CRACDL: variants seen among roughly 807,000 people sequenced by gnomAD.
CRACDL encodes the protein CRACD-like protein.
A neutral mutation model predicts 70.6 loss-of-function variants in CRACDL; 26 were observed. The ratio of observed to expected loss-of-function variants is 0.37; its 90% CI spans 0.27 to 0.51. The LOEUF is 0.51. Ranked by LOEUF, CRACDL falls within the 20% of genes least tolerant of loss-of-function variation. The pLI is 0.94. For missense variants in CRACDL, 1,283 were observed against 1,376.9 expected (o/e 0.93, Z 1.08); for synonymous variants, 618 against 615.2 (o/e 1.00, Z -0.07).
chr2:98,847,868 CACAA>C (rs779472099), intron 1 of CRACDL, among the ~76,000 whole-genome samples: 4 of 152,178 alleles, frequency 2.6e-5, no homozygotes, highest in African/African-American at 4.8e-5. Context: ...GCAAAGAAAA[CACAA>C]ACAGAGAAAA....
chr2:98,889,241 G>A (rs1273640369), intron 1 of CRACDL, among the ~76,000 whole-genome samples: 1 of 147,430 alleles, frequency 6.8e-6, no homozygotes, highest in East Asian at 2.0e-4. Context: ...GAAAGAAAAA[G>A]AAAGAGAGAA....
At chr2:98,806,026 A>G (rs191365226) in intron 7 of CRACDL, among the ~76,000 whole-genome samples, 11 of 152,360 alleles carry the variant, frequency 7.2e-5, no homozygotes, top group Admixed American at 6.5e-4. Flanking sequence ...CCCCGGTGAA[A>G]AGGCTGAGGG....
At chr2:98,879,569 G>T (rs1255673403) in intron 1 of CRACDL, among the ~76,000 whole-genome samples, 1 of 152,268 alleles carries the variant, frequency 6.6e-6, no homozygotes, top group East Asian at 1.9e-4. Flanking sequence ...GTTTCTCAGA[G>T]ATGGCGTCTC....
At chr2:98,883,656 G>A (rs1043499958) in intron 1 of CRACDL, among the ~76,000 whole-genome samples, 2 of 152,096 alleles carry the variant, frequency 1.3e-5, no homozygotes, top group African/African-American at 4.8e-5. Context: ...ACGAACCAGA[G>A]ATGACAAATT....
At chr2:98,811,708 T>A (rs1333007983) in intron 7 of CRACDL, among the ~76,000 whole-genome samples, 1 of 152,046 alleles carries the variant, frequency 6.6e-6, no homozygotes, top group Non-Finnish European at 1.5e-5. Flanking sequence ...CTCCTCCTAC[T>A]CCCAACCCCT....
chr2:98,914,263 C>G (rs1051623189), intron 1 of CRACDL, among the ~76,000 whole-genome samples: 1 of 152,208 alleles, frequency 6.6e-6, no homozygotes, highest in East Asian at 1.9e-4. Flanking sequence ...TTGAGCAACT[C>G]GCAGGGTCCT....
chr2:98,891,091 A>T (rs1707960142), intron 1 of CRACDL, among the ~76,000 whole-genome samples: 1 of 148,032 alleles, frequency 6.8e-6, no homozygotes, highest in South Asian at 2.1e-4. Context: ...AAGATTCCAA[A>T]CTTTGGGCTG....
intron 1 of CRACDL, among the ~76,000 whole-genome samples, chr2:98,928,099 C>T (rs2104703922): frequency 6.6e-6 from 1 of 151,894 alleles, no homozygotes; most frequent in East Asian, 1.9e-4. Context: ...ACAGAAGAAT[C>T]TCTTGAACCC....
At chr2:98,814,818 G>A in intron 7 of CRACDL, among the ~76,000 whole-genome samples, 1 of 152,058 alleles carries the variant, frequency 6.6e-6, no homozygotes, top group East Asian at 1.9e-4. Flanking sequence ...TTTCCTTTCA[G>A]TACTACCAAG....
intron 7 of CRACDL, among the ~76,000 whole-genome samples, chr2:98,803,382 C>G (rs937737665): frequency 2.2e-4 from 33 of 152,150 alleles, no homozygotes; most frequent in African/African-American, 8.0e-4. Context: ...CAATGATCTT[C>G]TCACCTCTGC....
In CRACDL at chr2:98,827,193, C is replaced by A. The variant is rs754837871; in HGVS notation, c.541-24G>T. ...ACCTTCGTGGGACAAGGAACAAACACACGGAGCATGAACTTCACCGTGTGA... is the reference window on the plus strand; with the variant it reads ...ACCTTCGTGGGACAAGGAACAAACAAACGGAGCATGAACTTCACCGTGTGA... On this transcript the variant is annotated intron_variant, in intron 5 of 9. Transcript: ENST00000397899. 3.2e-6 allele frequency: 5 copies of A among 1,573,392 alleles called. No homozygotes were observed. The South Asian group carries it at 5.6e-5, about 18-fold the overall frequency.
rs1575348562 is a variant in CRACDL at position 98,822,627 on chromosome 2, G to C, written c.1646C>G (p.Pro549Arg). The C allele has an allele frequency of 7.3e-7, 1 of 1,368,912 alleles. No individual in the cohort carries two copies. Among genetic ancestry groups the C allele is most frequent in the Non-Finnish European group, 9.3e-7 (1 of 1,070,756 alleles). 84.8% of individuals were successfully genotyped at this position (1,368,912 alleles called of 1,614,324 possible). A position where few individuals can be genotyped will look rare whatever the true frequency, so the allele number is the denominator to read the frequency against. The change falls in exon 7 of 10, where the codon CCG (proline) becomes CGG (arginine). Residue 549 changes from proline to arginine, a missense_variant. Pro to Arg is a moderately radical substitution (Grantham distance 103, BLOSUM62 -2). Around this residue, in one of 2 missense-constraint regions of CRACDL, gnomAD observed 921 missense variants for 881.9 expected, o/e 1.04. Coordinates refer to ENST00000397899, the MANE Select transcript of CRACDL (RefSeq NM_207362.3). The surrounding 1 kb of genome is among the most constrained non-coding windows in gnomAD (Gnocchi z 4.9). Reference protein sequence around the residue: ...RPKAERAEAPPAGAERAAPER... With the variant: ...RPKAERAEAPRAGAERAAPER... Reference sequence around the variant, plus strand: ...TGGCGCCGCCCTCTCGGCGCCCGCCGGTGGCGCCTCGGCTCGCTCGGCCTT... The same window carrying C: ...TGGCGCCGCCCTCTCGGCGCCCGCCCGTGGCGCCTCGGCTCGCTCGGCCTT...
chr2:98,832,426 G>A lies in CRACDL; in HGVS notation c.462C>T (p.Ser154=), dbSNP rs375134860. The change falls in exon 5 of 10, where the codon AGC becomes AGT. Residue 154 remains serine (S), a synonymous_variant. Transcript: ENST00000397899. ...TCCTGGGCAGCCCGTCGTCCTCAGA[G>A]CTCATGCCGGCATCCTCTCCCCGCT... ...PAKRGEDAGM[S]SEDDGLPRSP... is the part of the protein sequence containing the mutation. The A allele has an allele frequency of 3.7e-5, 59 of 1,614,150 alleles. 1 individual carries two copies. In the African/African-American group the frequency reaches 6.3e-4, roughly 17 times the overall value.
Position 98,834,395 on chromosome 2 carries a change from G to A in CRACDL, c.240-1398C>T, listed in dbSNP as rs139937423. On this transcript the variant is annotated intron_variant, in intron 3 of 9. Coordinates refer to ENST00000397899, the MANE Select transcript of CRACDL (RefSeq NM_207362.3). Reference sequence around the variant, plus strand: ...GGAGGACTCCACAGCTGGTCTGATGGGCAGGAAGGTCTCTACACGCTGCAT... The same window carrying A: ...GGAGGACTCCACAGCTGGTCTGATGAGCAGGAAGGTCTCTACACGCTGCAT... Among the ~76,000 whole-genome samples, 3 of 152,134 alleles carry A rather than the reference G, an allele frequency of 2.0e-5. No individual in the cohort carries two copies. The East Asian group carries it at 5.8e-4, about 29-fold the overall frequency.
chr2:98,934,892 G>T (rs926524035), intron 1 of CRACDL, among the ~76,000 whole-genome samples: 1 of 152,172 alleles, frequency 6.6e-6, no homozygotes, highest in Non-Finnish European at 1.5e-5. Context: ...ACTCCAAGAT[G>T]GCACAGCATA....
chr2:98,891,031 G>A (rs1707957754), intron 1 of CRACDL, among the ~76,000 whole-genome samples: 1 of 151,654 alleles, frequency 6.6e-6, no homozygotes, highest in Non-Finnish European at 1.5e-5. Context: ...CAGCCTGGGT[G>A]ACAAGAGCAA....
At chr2:98,795,832 A>G (rs1261160999) in intron 9 of CRACDL, among the ~76,000 whole-genome samples, 1 of 152,186 alleles carries the variant, frequency 6.6e-6, no homozygotes, top group Non-Finnish European at 1.5e-5. Context: ...CATCCTGAGG[A>G]TAGGATACAG....
At chr2:98,927,025 C>T (rs1417139271) in intron 1 of CRACDL, among the ~76,000 whole-genome samples, 2 of 152,200 alleles carry the variant, frequency 1.3e-5, no homozygotes, top group African/African-American at 2.4e-5. Context: ...TGTGTGGCTT[C>T]CCCTCATTTC....
In CRACDL at chr2:98,822,523, G is replaced by T. The variant is rs751889476; in HGVS notation, c.1750C>A (p.Arg584Ser). 3 of 1,458,612 alleles carry T rather than the reference G, an allele frequency of 2.1e-6. No individual in the cohort carries two copies. Among genetic ancestry groups the T allele is most frequent in the African/African-American group, 1.5e-5 (1 of 67,316 alleles). 90.4% of individuals were successfully genotyped at this position (1,458,612 alleles called of 1,614,324 possible). A position where few individuals can be genotyped will look rare whatever the true frequency, so the allele number is the denominator to read the frequency against. Residue 584 changes from arginine to serine, a missense_variant, in exon 7 of 10, where the codon CGT becomes AGT. Arg to Ser is a moderately radical substitution (Grantham distance 110, BLOSUM62 -1). Transcript: ENST00000397899. The surrounding 1 kb of genome is among the most constrained non-coding windows in gnomAD (Gnocchi z 4.9). ...TCCAGCGGGCGGGAGACGCCCGGAC[G>T]AGGCCGCGCTCGGCACGAGGACACC... ...FSVSSCRARP[R>S]PGVSRPLERA...
Sources: gnomAD v4.1 joint callset for allele counts (sites outside exome capture counted in the v4.1 genomes callset) on GRCh38, gnomAD v4.1.1 for gene constraint, gnomAD v4.1.1 regional missense constraint, Gnocchi (gnomAD v3.1) non-coding constraint, MANE v1.5 for transcripts, NCBI Gene and HGNC (gene_info 2026-07-23, HGNC 2026-07-21) for gene names.